The following KHDRBS2 variants were observed in gnomAD, a reference collection of about 807,000 sequenced individuals.
The protein encoded by KHDRBS2 is KH domain-containing, RNA-binding, signal transduction-associated protein 2.
A neutral mutation model predicts 44.3 loss-of-function variants in KHDRBS2; 26 were observed. The ratio of observed to expected loss-of-function variants is 0.59; its 90% confidence interval spans 0.43 to 0.81. KHDRBS2 has a LOEUF of 0.81. Ranked by LOEUF, KHDRBS2 falls within the 40% of genes least tolerant of loss-of-function variation. KHDRBS2 has a pLI of 0.00. For missense variants in KHDRBS2, 476 were observed against 433.1 expected (o/e 1.10, Z -0.88); for synonymous variants, 194 against 151.1 (o/e 1.28, Z -2.08).
At chr6:61,791,417 C>A (rs941008839) in intron 6 of KHDRBS2, among the ~76,000 whole-genome samples, 4 of 151,322 alleles carry the variant, frequency 2.6e-5, no homozygotes, top group Non-Finnish European at 4.4e-5. Flanking sequence ...CAAGTTTTAA[C>A]GTGTAAGATT....
chr6:62,008,162 C>T (rs1290206464), intron 3 of KHDRBS2, among the ~76,000 whole-genome samples: 4 of 152,114 alleles, frequency 2.6e-5, no homozygotes. Flanking sequence ...ATAATGCTTG[C>T]ATTCAGGGTC....
intron 2 of KHDRBS2, among the ~76,000 whole-genome samples, chr6:62,155,638 C>A (rs2150108426): frequency 1.3e-5 from 2 of 152,288 alleles, no homozygotes; most frequent in South Asian, 4.1e-4. Flanking sequence ...AGTATGCATG[C>A]ATCATTTTAT....
intron 1 of KHDRBS2, among the ~76,000 whole-genome samples, chr6:62,197,198 T>C (rs1397785318): frequency 6.6e-6 from 1 of 152,106 alleles, no homozygotes; most frequent in Non-Finnish European, 1.5e-5. Context: ...GAATTTGTCA[T>C]ATATAGTAAA....
At chr6:61,938,231 G>T (rs9345773) in intron 4 of KHDRBS2, among the ~76,000 whole-genome samples, 59,790 of 151,544 alleles carry the variant, frequency 0.39, 11,891 homozygotes, top group Admixed American at 0.47. Flanking sequence ...GCTAACATAA[G>T]ATCAGTGTGT....
At chr6:61,642,177 T>C in the KHDRBS2 span, among the ~76,000 whole-genome samples, 6 of 152,200 alleles carry the variant, frequency 3.9e-5, no homozygotes, top group African/African-American at 1.4e-4. Context: ...TTTCTTTGTT[T>C]CGTATAGTGA....
chr6:61,866,965 G>A (rs1370460078), intron 6 of KHDRBS2, among the ~76,000 whole-genome samples: 2 of 152,148 alleles, frequency 1.3e-5, no homozygotes, highest in African/African-American at 4.8e-5. Context: ...TCTCTAGAAA[G>A]TTCCAAACTT....
At chr6:61,964,977 T>G (rs1378776046) in intron 4 of KHDRBS2, among the ~76,000 whole-genome samples, 1 of 152,168 alleles carries the variant, frequency 6.6e-6, no homozygotes, top group East Asian at 1.9e-4. Context: ...TATATTTCAG[T>G]ATACTTGTAT....
At chr6:61,934,620 C>T (rs538508800) in intron 4 of KHDRBS2, among the ~76,000 whole-genome samples, 1 of 152,116 alleles carries the variant, frequency 6.6e-6, no homozygotes, top group African/African-American at 2.4e-5. Flanking sequence ...GGTCAATTTT[C>T]TTGACTAACA....
the KHDRBS2 span, among the ~76,000 whole-genome samples, chr6:61,563,112 C>A: frequency 6.6e-6 from 1 of 152,116 alleles, no homozygotes; most frequent in Non-Finnish European, 1.5e-5. Flanking sequence ...AACACTGGTT[C>A]CCCAGCTATC....
At chr6:61,965,516 T>C (rs990837751) in intron 4 of KHDRBS2, among the ~76,000 whole-genome samples, 3 of 151,940 alleles carry the variant, frequency 2.0e-5, no homozygotes, top group South Asian at 2.1e-4. Context: ...TGGAGGCAAA[T>C]GGGGATTAAA....
chr6:62,049,358 C>T (rs1425058837), intron 2 of KHDRBS2, among the ~76,000 whole-genome samples: 1 of 151,750 alleles, frequency 6.6e-6, no homozygotes, highest in African/African-American at 2.4e-5. Context: ...CACACGTAGG[C>T]AAACCTTATT....
chr6:62,207,093 C>G (rs1307700062), intron 1 of KHDRBS2, among the ~76,000 whole-genome samples: 1 of 151,974 alleles, frequency 6.6e-6, no homozygotes, highest in African/African-American at 2.4e-5. Context: ...AGTAGCTATC[C>G]TAGCTGTGAT....
intron 2 of KHDRBS2, among the ~76,000 whole-genome samples, chr6:62,156,716 G>T (rs1457371896): frequency 6.6e-6 from 1 of 152,034 alleles, no homozygotes; most frequent in East Asian, 2.0e-4. Context: ...GTGCAGGCTG[G>T]AGTGCAGTGC....
At chr6:61,819,385 A>G (rs566909516) in intron 6 of KHDRBS2, among the ~76,000 whole-genome samples, 1 of 152,088 alleles carries the variant, frequency 6.6e-6, no homozygotes, top group African/African-American at 2.4e-5. Context: ...AAAATGTTGG[A>G]GCTTACTTTG....
intron 6 of KHDRBS2, among the ~76,000 whole-genome samples, chr6:61,852,920 A>G (rs1160599029): frequency 6.6e-6 from 1 of 152,192 alleles, no homozygotes; most frequent in Non-Finnish European, 1.5e-5. Flanking sequence ...TATATTAAAG[A>G]TCTTAACTCT....
intron 1 of KHDRBS2, among the ~76,000 whole-genome samples, chr6:62,245,674 C>T (rs114214716): frequency 1.1e-3 from 171 of 152,142 alleles, no homozygotes; most frequent in African/African-American, 3.9e-3. Context: ...ATACAATTTA[C>T]AGACACATCA....
At chr6:61,748,987 T>A (rs9362658) in intron 6 of KHDRBS2, among the ~76,000 whole-genome samples, 51,778 of 147,136 alleles carry the variant, frequency 0.35, 9,790 homozygotes, top group East Asian at 0.47. Context: ...TCAATATTTC[T>A]TTTTCTTTTC....
the KHDRBS2 span, among the ~76,000 whole-genome samples, chr6:61,614,403 GATA>G: frequency 6.6e-6 from 1 of 152,234 alleles, no homozygotes; most frequent in African/African-American, 2.4e-5. Context: ...CTTTGCTAGG[GATA>G]ATAATACTTC....
intron 6 of KHDRBS2, among the ~76,000 whole-genome samples, chr6:61,869,213 T>A (rs1297267030): frequency 1.3e-5 from 2 of 152,194 alleles, no homozygotes; most frequent in Non-Finnish European, 2.9e-5. Flanking sequence ...TTGAAGGTGC[T>A]GTGTTTACTC....
Sources: allele counts gnomAD v4.1 joint callset (sites outside exome capture counted in the v4.1 genomes callset), GRCh38; gene constraint gnomAD v4.1.1; transcripts MANE v1.5; gene names NCBI Gene and HGNC (gene_info 2026-07-23, HGNC 2026-07-21).